CAB39L: variants seen among roughly 807,000 people sequenced by gnomAD.
CAB39L encodes the protein calcium binding protein 39 like.
A neutral mutation model predicts 39.1 loss-of-function variants in CAB39L; 23 were observed. The observed-to-expected ratio is 0.59, with a 90% CI of 0.42 to 0.83. The LOEUF is 0.83. Among genes scored for constraint, CAB39L ranks in the 40% least tolerant of loss-of-function variants. The pLI is 0.00. For synonymous variants in CAB39L, 126 were observed against 137.2 expected, an observed-to-expected ratio of 0.92 and a Z score of 0.57; for missense variants, 366 against 391.9, an observed-to-expected ratio of 0.93 and a Z score of 0.56.
chr13:49,402,958 AC>A (rs1319123591), intron 3 of CAB39L, among the ~76,000 whole-genome samples: 4 of 152,106 alleles, frequency 2.6e-5, no homozygotes, highest in Non-Finnish European at 5.9e-5. Context: ...AGTGTCTAGT[AC>A]CTTAGGTTAT....
intron 3 of CAB39L, among the ~76,000 whole-genome samples, chr13:49,407,402 T>C (rs1956902882): frequency 6.6e-6 from 1 of 152,140 alleles, no homozygotes; most frequent in Admixed American, 6.5e-5. Context: ...TAGCAATAAG[T>C]CCTATAACTA....
Position 49,419,867 on chromosome 13 carries a change from C to T in CAB39L, c.-32+13451G>A, listed in dbSNP as rs188062640. On this transcript the variant is annotated intron_variant, in intron 3 of 10. Coordinates refer to ENST00000409308, the MANE Select transcript of CAB39L (RefSeq NM_001079670.3). ...TTATTCCATATCATATAGAAGAATG[C>T]CACAGTTGCAAAAGAGCAAGCTATC... 2.3e-4 allele frequency among the ~76,000 whole-genome samples: 35 copies of T among 152,168 alleles called. No homozygotes were observed. In the East Asian group the frequency reaches 6.8e-3, roughly 29 times the overall value.
chr13:49,406,518 G>A (rs1956883587), intron 3 of CAB39L, among the ~76,000 whole-genome samples: 1 of 151,606 alleles, frequency 6.6e-6, no homozygotes, highest in Admixed American at 6.6e-5. Context: ...GAATAGTTGA[G>A]ATGATTGGAT....
intron 9 of CAB39L, among the ~76,000 whole-genome samples, chr13:49,335,194 C>G (rs186235377): frequency 5.3e-4 from 80 of 152,276 alleles, no homozygotes; most frequent in African/African-American, 1.8e-3. Flanking sequence ...TGAATAGACA[C>G]ATATATATCA....
intron 3 of CAB39L, among the ~76,000 whole-genome samples, chr13:49,406,291 C>T (rs991911033): frequency 2.6e-5 from 4 of 150,968 alleles, no homozygotes; most frequent in Non-Finnish European, 4.4e-5. Context: ...CCTCAGCTTC[C>T]CAAGTAGCTG....
chr13:49,410,595 G>C (rs931403925), intron 3 of CAB39L, among the ~76,000 whole-genome samples: 1 of 152,170 alleles, frequency 6.6e-6, no homozygotes, highest in Non-Finnish European at 1.5e-5. Flanking sequence ...AAAGAAGCAG[G>C]CTGAGTGAAG....
chr13:49,394,101 C>T (rs1956550536), intron 3 of CAB39L, among the ~76,000 whole-genome samples: 1 of 151,640 alleles, frequency 6.6e-6, no homozygotes, highest in Admixed American at 6.6e-5. Context: ...ATTTGAATTT[C>T]TATAGATAAA....
At position 49,433,328 on chromosome 13, in the gene CAB39L, G is replaced by C. The variant is rs1057387886; in HGVS notation, c.-42C>G. 4.4e-6 allele frequency: 2 copies of C among 453,714 alleles called. No homozygotes were observed. Among genetic ancestry groups the C allele is most frequent in the Non-Finnish European group, 8.8e-6 (2 of 226,218 alleles). The allele number at this position is 453,714 out of a possible 1,614,324, so 28.1% of individuals were successfully genotyped here. The stretch of plus-strand genomic sequence containing the variant: ...ATCATACTAGCTTACCTTAGAAGTT[G>C]TATATCATTTGCAAATTTGTTTGAA... On this transcript the variant is annotated 5_prime_UTR_variant, in exon 3 of 11. An upstream open reading frame in the 5' UTR gains an earlier in-frame stop. Transcript: ENST00000409308.
chr13:49,378,322 G>GC (rs1185667081), intron 4 of CAB39L, among the ~76,000 whole-genome samples: 2 of 70,762 alleles, frequency 2.8e-5, no homozygotes, highest in African/African-American at 8.6e-5. Context: ...TGGGGGGTCA[G>GC]CCCCCCCGAC....
rs748154476 is a variant in CAB39L, at chr13:49,350,794, C to T, written c.514G>A (p.Val172Met). 8.7e-6 allele frequency: 14 copies of T among 1,602,452 alleles called. No individual in the cohort carries two copies. The highest frequency in any genetic ancestry group is 8.1e-5 in the African/African-American group (6 of 74,378). Residue 172 changes from valine to methionine, a missense_variant, in exon 7 of 11, where the codon GTG (valine) becomes ATG (methionine). Coordinates refer to ENST00000409308, the MANE Select transcript of CAB39L (RefSeq NM_001079670.3). Reference protein sequence around the residue: ...SNQFRDFFKYVELSTFDIASD... With the variant: ...SNQFRDFFKYMELSTFDIASD... ...GCAATATCAAATGTTGACAACTCCA[C>T]GTACTTAAAGAAATCTCTGAATTGA...
At chr13:49,371,189 C>CCTTTTT (rs1555258807) in intron 5 of CAB39L, among the ~76,000 whole-genome samples, 2 of 102,242 alleles carry the variant, frequency 2.0e-5, no homozygotes, top group Admixed American at 1.0e-4. Context: ...CTTTTTCTTT[C>CCTTTTT]TTTTTTTTTT....
At chr13:49,443,296 C>A (rs1957577625) in intron 1 of CAB39L, among the ~76,000 whole-genome samples, 2 of 150,884 alleles carry the variant, frequency 1.3e-5, no homozygotes, top group African/African-American at 4.9e-5. Flanking sequence ...TCTTCCTTCA[C>A]GCCCCGTTTC....
intron 3 of CAB39L, among the ~76,000 whole-genome samples, chr13:49,426,248 C>T (rs953118759): frequency 1.3e-5 from 2 of 152,062 alleles, no homozygotes; most frequent in African/African-American, 4.8e-5. Context: ...TCTTTAGAGG[C>T]CCTTTTATGT....
At chr13:49,414,727 G>C (rs1957051321) in intron 3 of CAB39L, among the ~76,000 whole-genome samples, 1 of 152,018 alleles carries the variant, frequency 6.6e-6, no homozygotes, top group Non-Finnish European at 1.5e-5. Flanking sequence ...AGACTAGAAG[G>C]AAATACAACA....
intron 3 of CAB39L, among the ~76,000 whole-genome samples, chr13:49,400,026 C>T (rs1168367825): frequency 6.6e-6 from 1 of 151,936 alleles, no homozygotes; most frequent in Non-Finnish European, 1.5e-5. Flanking sequence ...CTTCTGTACA[C>T]GTAGAGGAAA....
At chr13:49,361,205 C>T (rs578184085) in intron 5 of CAB39L, among the ~76,000 whole-genome samples, 67 of 152,182 alleles carry the variant, frequency 4.4e-4, no homozygotes, top group African/African-American at 1.5e-3. Context: ...AAAGGCCAGG[C>T]GCAGTGGCTC....
Position 49,350,694 on chromosome 13 carries a change from G to C in CAB39L, c.564+50C>G, listed in dbSNP as rs757000949. On this transcript the variant is annotated intron_variant, in intron 7 of 10. Transcript: ENST00000409308. ...TTTTAAAATTAAATTGCCTCTTCAGGGGCCAAGTGACTATAAATTGACCTA... is the reference window on the plus strand; with the variant it reads ...TTTTAAAATTAAATTGCCTCTTCAGCGGCCAAGTGACTATAAATTGACCTA... The C allele has an allele frequency of 2.2e-6, 3 of 1,365,504 alleles. No homozygotes were observed. In the South Asian group the frequency reaches 4.8e-5, roughly 22 times the overall value. The allele number at this position is 1,365,504 out of a possible 1,614,324, so 84.6% of individuals were successfully genotyped here.
In CAB39L at chr13:49,434,207, A is replaced by C; in HGVS notation, c.-229T>G. ...TTTGCTCCTGATATTCTTTCTTCTC[A>C]ATATTTGATGGATATCCTGCAATAA... On this transcript the variant is annotated 5_prime_UTR_variant, in exon 2 of 11. It adds an upstream start codon to the 5' untranslated region. Transcript: ENST00000409308. The C allele has an allele frequency of 2.2e-6, 1 of 454,126 alleles. No homozygotes were observed. 28.1% of individuals were successfully genotyped at this position (454,126 alleles called of 1,614,324 possible). A position where few individuals can be genotyped will look rare whatever the true frequency, so the allele number is the denominator to read the frequency against.
At chr13:49,414,826 A>G (rs888536594) in intron 3 of CAB39L, among the ~76,000 whole-genome samples, 2 of 152,136 alleles carry the variant, frequency 1.3e-5, no homozygotes, top group Admixed American at 6.5e-5. Context: ...AATTTTCTAC[A>G]ATAGCATTTA....
Sources: allele counts gnomAD v4.1 joint callset (sites outside exome capture counted in the v4.1 genomes callset), GRCh38; gene constraint gnomAD v4.1.1; transcripts MANE v1.5; gene names NCBI Gene and HGNC (gene_info 2026-07-23, HGNC 2026-07-21).